The following NOP58 variants were observed in gnomAD, a reference collection of about 807,000 sequenced individuals.
NOP58 encodes the protein nucleolar protein 58.
A neutral mutation model predicts 71.2 loss-of-function variants in NOP58; 44 were observed. That is an observed-to-expected ratio of 0.62 (90% CI 0.49 to 0.79). NOP58 has a LOEUF of 0.79. Ranked by LOEUF, NOP58 falls within the 30% of genes least tolerant of loss-of-function variation. The pLI is 0.00. For missense variants in NOP58, 538 were observed against 620.2 expected, an observed-to-expected ratio of 0.87 and a Z score of 1.41; for synonymous variants, 228 against 200.3, an observed-to-expected ratio of 1.14 and a Z score of -1.17.
intron 10 of NOP58, among the ~76,000 whole-genome samples, chr2:202,296,267 C>T (rs569970253): frequency 1.3e-5 from 2 of 152,212 alleles, no homozygotes; most frequent in African/African-American, 4.8e-5. Flanking sequence ...TTGATCTCGG[C>T]TCACTGCAAC....
At chr2:202,301,997 G>C (rs1429393335) in intron 13 of NOP58, among the ~76,000 whole-genome samples, 1 of 151,258 alleles carries the variant, frequency 6.6e-6, no homozygotes, top group African/African-American at 2.4e-5. Context: ...TGCCTTGCTC[G>C]AATTGTTTAG....
At chr2:202,293,065 T>A (rs749764835) in intron 9 of NOP58, 162 bp downstream of exon 9, 2 of 812,910 alleles carry the variant, frequency 2.5e-6, no homozygotes, top group South Asian at 2.7e-5. Flanking sequence ...TCAATGATGA[T>A]TTCTATTTGT....
chr2:202,284,709 TCTTAAAAC>T (rs1335275704), intron 5 of NOP58: 2 of 447,822 alleles, frequency 4.5e-6, no homozygotes, highest in Non-Finnish European at 7.9e-6. Flanking sequence ...TTGTCTGGAT[TCTTAAAAC>T]CTTAAAACCT....
At chr2:202,298,020 T>A in intron 12 of NOP58, 114 bp downstream of exon 12, 1 of 631,064 alleles carries the variant, frequency 1.6e-6, no homozygotes, top group Non-Finnish European at 2.6e-6. Context: ...TCAAATTTAT[T>A]TATTTGACCA....
chr2:202,285,574 C>T (rs1688773001), intron 5 of NOP58, among the ~76,000 whole-genome samples: 1 of 151,964 alleles, frequency 6.6e-6, no homozygotes, highest in South Asian at 2.1e-4. Flanking sequence ...CTCCCAGGCT[C>T]AAGTGATCCA....
At position 202,284,437 on chromosome 2, in the gene NOP58, A is replaced by G; in HGVS notation, c.390A>G (p.Val130=). The G allele has an allele frequency of 6.2e-7, 1 of 1,614,156 alleles. No homozygotes were observed. The change falls in exon 5 of 15, where the codon GTA becomes GTG. Residue 130 remains valine, a synonymous_variant. Coordinates refer to ENST00000264279, the MANE Select transcript of NOP58 (RefSeq NM_015934.5). ...AAATGGATGGATTAATCCCTGGGGTAGAACCACGTGAAATGGCAGCTATGT... is the reference window on the plus strand; with the variant it reads ...AAATGGATGGATTAATCCCTGGGGTGGAACCACGTGAAATGGCAGCTATGT... The part of the protein sequence containing the change: ...RSQMDGLIPG[V]EPREMAAMCL...
At chr2:202,269,730 G>T (rs150590296) in intron 1 of NOP58, among the ~76,000 whole-genome samples, 1 of 152,026 alleles carries the variant, frequency 6.6e-6, no homozygotes, top group African/African-American at 2.4e-5. Flanking sequence ...GACAGGGCAA[G>T]ACTCCGTCTC....
intron 1 of NOP58, among the ~76,000 whole-genome samples, chr2:202,266,562 T>C (rs964389787): frequency 6.6e-6 from 1 of 152,084 alleles, no homozygotes; most frequent in Non-Finnish European, 1.5e-5. Context: ...GCGATCCACC[T>C]GCCTCGGCCT....
rs761299636 is a variant in NOP58 at position 202,287,681 on chromosome 2, G to A, written c.456G>A (p.Lys152=). Residue 152 remains lysine (K), a synonymous_variant, in exon 6 of 15, where the codon AAG becomes AAA. Coordinates refer to ENST00000264279, the MANE Select transcript of NOP58 (RefSeq NM_015934.5). ...LAHSLSRYRL[K]FSADKVDTMI... ...CCAGCCTGTCTCGATATAGATTGAA[G>A]TTTAGCGCTGATAAAGTAGACACAA... 1.2e-6 allele frequency: 2 copies of A among 1,613,136 alleles called. No homozygotes were observed. Among genetic ancestry groups the A allele is most frequent in the South Asian group, 1.1e-5 (1 of 91,054 alleles).
At chr2:202,274,431 G>A (rs1273882278) in intron 1 of NOP58, among the ~76,000 whole-genome samples, 1 of 140,724 alleles carries the variant, frequency 7.1e-6, no homozygotes, top group African/African-American at 2.7e-5. Context: ...TTGTAGAGAC[G>A]GGGTTTCTCC....
intron 1 of NOP58, among the ~76,000 whole-genome samples, chr2:202,274,125 A>G (rs1317191545): frequency 6.6e-6 from 1 of 152,184 alleles, no homozygotes; most frequent in Admixed American, 6.5e-5. Flanking sequence ...CTCACAATTG[A>G]CGATAGTTTT....
chr2:202,274,567 A>G (rs116601501), intron 1 of NOP58, among the ~76,000 whole-genome samples: 15,423 of 152,014 alleles, frequency 0.1, 957 homozygotes, highest in South Asian at 0.23. Context: ...AATGATTACA[A>G]TACTTTACTG....
intron 12 of NOP58, among the ~76,000 whole-genome samples, chr2:202,298,157 A>G (rs1689026013): frequency 6.6e-6 from 1 of 152,198 alleles, no homozygotes; most frequent in Non-Finnish European, 1.5e-5. Flanking sequence ...CTTAAAATCT[A>G]CTTAGCAATT....
At position 202,299,243 on chromosome 2, in the gene NOP58, C is replaced by T. The variant is rs556018073; in HGVS notation, c.1269-991C>T. Among the ~76,000 whole-genome samples, 10 of 152,212 alleles carry T rather than the reference C, an allele frequency of 6.6e-5. No individual in the cohort carries two copies. The South Asian group carries it at 1.7e-3, about 25-fold the overall frequency. On this transcript the variant is annotated intron_variant, in intron 12 of 14. Transcript: ENST00000264279. ...AAAGTGCTGGGATTACAGGCGTGAGCCACAGCACCCGGCCTCCTTCAAGAA... is the reference window on the plus strand; with the variant it reads ...AAAGTGCTGGGATTACAGGCGTGAGTCACAGCACCCGGCCTCCTTCAAGAA...
chr2:202,291,372 G>A (rs1182745589), intron 8 of NOP58, 102 bp downstream of exon 8: 3 of 833,556 alleles, frequency 3.6e-6, no homozygotes, highest in African/African-American at 3.4e-5. Context: ...TTGTTCACCT[G>A]ATAACATAAA....
rs16841867 is a variant in NOP58 at position 202,303,512 on chromosome 2, C to G, written c.*76C>G. 181,595 of 1,520,538 alleles carry G rather than the reference C, an allele frequency of 0.12. 12,017 individuals carry two copies. The highest frequency in any genetic ancestry group is 0.24 in the South Asian group (18,519 of 78,722). The allele number at this position is 1,520,538 out of a possible 1,614,324, so 94.2% of individuals were successfully genotyped here. A position where few individuals can be genotyped will look rare whatever the true frequency, so the allele number is the denominator to read the frequency against. ...CAACTGGGAGCATACCAGGGATGCTCTCTAACGTAATCAAGGGAAGGTTCA... is the reference window on the plus strand; with the variant it reads ...CAACTGGGAGCATACCAGGGATGCTGTCTAACGTAATCAAGGGAAGGTTCA... On this transcript the variant is annotated 3_prime_UTR_variant, in exon 15 of 15. Transcript: ENST00000264279.
At position 202,269,340 on chromosome 2, in the gene NOP58, A is replaced by ATT. The variant is rs201564474; in HGVS notation, c.45+3370_45+3371dup. On this transcript the variant is annotated intron_variant, in intron 1 of 14. Transcript: ENST00000264279. ...GCGTGAGCCACCATGCCTGGCCTAA[A>ATT]TTTTTTTTTTTTTTTTTAAGAGGCA... 5.0e-3 allele frequency among the ~76,000 whole-genome samples: 679 copies of ATT among 135,202 alleles called. 4 individuals are homozygous for ATT. Among genetic ancestry groups the ATT allele is most frequent in the East Asian group, 0.016 (72 of 4,586 alleles). The allele number at this position is 135,202 out of a possible 152,430, so 88.7% of individuals were successfully genotyped here.
rs536595534 is a variant in NOP58 at position 202,272,262 on chromosome 2, G to C, written c.46-2851G>C. Among the ~76,000 whole-genome samples, 42 of 145,456 alleles carry C rather than the reference G, an allele frequency of 2.9e-4. 2 individuals carry two copies. The South Asian group carries it at 7.0e-3, about 24-fold the overall frequency. On this transcript the variant is annotated intron_variant, in intron 1 of 14. Transcript: ENST00000264279. ...CGCCCCCTGGGGTTCACGCCATTCTGTTGCCTCAGCCTCCCGAGTAGCTGG... is the reference window on the plus strand; with the variant it reads ...CGCCCCCTGGGGTTCACGCCATTCTCTTGCCTCAGCCTCCCGAGTAGCTGG...
intron 5 of NOP58, among the ~76,000 whole-genome samples, chr2:202,284,883 G>C (rs974366555): frequency 6.6e-6 from 1 of 152,030 alleles, no homozygotes; most frequent in East Asian, 1.9e-4. Flanking sequence ...GTGTATTTGT[G>C]TTTTCATTGC....
Sources: allele counts gnomAD v4.1 joint callset (sites outside exome capture counted in the v4.1 genomes callset), GRCh38; gene constraint gnomAD v4.1.1; transcripts MANE v1.5; gene names NCBI Gene and HGNC (gene_info 2026-07-23, HGNC 2026-07-21).